The following PRR5L variants were observed in gnomAD, a reference collection of about 807,000 sequenced individuals.
PRR5L encodes the protein proline-rich protein 5-like.
In PRR5L, 21 loss-of-function variants were observed where a neutral mutation model predicts 36.4. That is an observed-to-expected ratio of 0.58 (90% CI 0.41 to 0.83). The LOEUF (loss-of-function observed/expected upper bound fraction) is 0.83. Among genes scored for constraint, PRR5L ranks in the 40% least tolerant of loss-of-function variants. The pLI, the probability that PRR5L is intolerant of heterozygous loss-of-function variation, is 0.00. For missense variants in PRR5L, 381 were observed against 473.3 expected (o/e 0.80, Z 1.81); for synonymous variants, 188 against 197.0 (o/e 0.95, Z 0.38).
At chr11:36,307,193 T>G (rs2133452113) in intron 1 of PRR5L, among the ~76,000 whole-genome samples, 1 of 152,270 alleles carries the variant, frequency 6.6e-6, no homozygotes, top group South Asian at 2.1e-4. Flanking sequence ...GTGAGATATT[T>G]CCCCCTTCCC....
intron 1 of PRR5L, among the ~76,000 whole-genome samples, chr11:36,298,351 T>C (rs1590418079): frequency 6.6e-6 from 1 of 152,210 alleles, no homozygotes; most frequent in East Asian, 1.9e-4. Context: ...TAATATATAA[T>C]GAAATAATTA....
chr11:36,412,554 A>C (rs982213699), intron 3 of PRR5L, among the ~76,000 whole-genome samples: 10 of 152,154 alleles, frequency 6.6e-5, no homozygotes, highest in Admixed American at 3.9e-4. Flanking sequence ...AGGTATTAGG[A>C]ATCGGGATTT....
chr11:36,312,373 G>A (rs532559783), intron 1 of PRR5L, among the ~76,000 whole-genome samples: 24 of 152,306 alleles, frequency 1.6e-4, no homozygotes, highest in African/African-American at 3.1e-4. Flanking sequence ...TTGTGTACTC[G>A]GAAGGTAAAG....
At chr11:36,315,158 C>A (rs1273588216) in intron 1 of PRR5L, among the ~76,000 whole-genome samples, 1 of 152,202 alleles carries the variant, frequency 6.6e-6, no homozygotes, top group Non-Finnish European at 1.5e-5. Context: ...TACTTAATCA[C>A]TACACATTAG....
intron 3 of PRR5L, among the ~76,000 whole-genome samples, chr11:36,416,874 T>C (rs1228813030): frequency 6.6e-6 from 1 of 152,076 alleles, no homozygotes; most frequent in African/African-American, 2.4e-5. Flanking sequence ...TCAGGATGCT[T>C]TTCTGCATCC....
chr11:36,319,944 G>A (rs997486657), intron 1 of PRR5L, among the ~76,000 whole-genome samples: 20 of 152,160 alleles, frequency 1.3e-4, no homozygotes, highest in African/African-American at 4.6e-4. Context: ...GCACGCAGGA[G>A]GAAAGAGGTT....
intron 3 of PRR5L, among the ~76,000 whole-genome samples, chr11:36,410,199 C>A (rs766605214): frequency 6.6e-6 from 1 of 152,104 alleles, no homozygotes; most frequent in Non-Finnish European, 1.5e-5. Context: ...ATGGGGTTGG[C>A]GCATGTGGTT....
intron 1 of PRR5L, among the ~76,000 whole-genome samples, chr11:36,397,067 CTTTTTT>C (rs11300346): frequency 7.7e-6 from 1 of 130,642 alleles, no homozygotes; most frequent in African/African-American, 2.8e-5. Context: ...GTTTTCTTTT[CTTTTTT>C]TTTTTTTTTT....
intron 8 of PRR5L, among the ~76,000 whole-genome samples, chr11:36,456,012 G>C (rs949838526): frequency 6.6e-6 from 1 of 152,080 alleles, no homozygotes; most frequent in Non-Finnish European, 1.5e-5. Context: ...GTCATCAGCA[G>C]GGGGAGAGAG....
chr11:36,324,986 G>C (rs7932198), intron 1 of PRR5L, among the ~76,000 whole-genome samples: 3,325 of 152,060 alleles, frequency 0.022, 123 homozygotes, highest in African/African-American at 0.076. Context: ...ATGTTACCAG[G>C]GGTCCTTGCT....
chr11:36,350,539 C>A (rs755831534), intron 1 of PRR5L, among the ~76,000 whole-genome samples: 67 of 151,696 alleles, frequency 4.4e-4, no homozygotes, highest in Non-Finnish European at 9.0e-4. Context: ...TTTATTTTTT[C>A]TTTTTTAAAA....
chr11:36,355,225 CAT>C (rs1857013556), intron 1 of PRR5L, among the ~76,000 whole-genome samples: 1 of 152,160 alleles, frequency 6.6e-6, no homozygotes, highest in African/African-American at 2.4e-5. Context: ...CAAAGAGAAA[CAT>C]AAACTTCAGA....
rs902627347 is a variant in PRR5L, at chr11:36,419,251, C to T, written c.246-4C>T. On this transcript the variant is annotated splice_polypyrimidine_tract_variant and splice_region_variant and intron_variant, in intron 3 of 8. Transcript: ENST00000530639. Reference sequence around the variant, plus strand: ...ACGGTGTTTCTCTTCTCCCTTCTCCCCAGGCGGCTGTTGAAGAGTGAACTT... The same window carrying T: ...ACGGTGTTTCTCTTCTCCCTTCTCCTCAGGCGGCTGTTGAAGAGTGAACTT... 1.9e-6 allele frequency: 3 copies of T among 1,613,800 alleles called. No individual in the cohort carries two copies. Among genetic ancestry groups the T allele is most frequent in the African/African-American group, 1.3e-5 (1 of 74,926 alleles).
intron 1 of PRR5L, among the ~76,000 whole-genome samples, chr11:36,346,506 C>T (rs373071246): frequency 6.6e-6 from 1 of 151,998 alleles, no homozygotes; most frequent in Non-Finnish European, 1.5e-5. Flanking sequence ...TGGCGTGAAC[C>T]CGGGAGGCGG....
chr11:36,302,966 A>G (rs1856392950), intron 1 of PRR5L, among the ~76,000 whole-genome samples: 1 of 152,206 alleles, frequency 6.6e-6, no homozygotes. Flanking sequence ...GCCAAGGCAC[A>G]GAAGAGTGAA....
At chr11:36,308,309 C>T (rs544170360) in intron 1 of PRR5L, among the ~76,000 whole-genome samples, 5 of 152,302 alleles carry the variant, frequency 3.3e-5, no homozygotes, top group East Asian at 1.9e-4. Context: ...GAATATAAGT[C>T]GTCCACATCT....
intron 4 of PRR5L, among the ~76,000 whole-genome samples, chr11:36,424,262 G>A (rs965264178): frequency 7.2e-5 from 11 of 152,154 alleles, no homozygotes; most frequent in African/African-American, 2.4e-4. Context: ...TATATCACCC[G>A]AAAATGAGCT....
At chr11:36,349,293 A>AG (rs1274033684) in intron 1 of PRR5L, among the ~76,000 whole-genome samples, 7 of 151,704 alleles carry the variant, frequency 4.6e-5, no homozygotes, top group Admixed American at 1.3e-4. Flanking sequence ...AAAAAAAAAA[A>AG]AAAGAAAAAT....
chr11:36,328,095 A>G (rs1022127636), intron 1 of PRR5L, among the ~76,000 whole-genome samples: 1 of 152,240 alleles, frequency 6.6e-6, no homozygotes, highest in Non-Finnish European at 1.5e-5. Flanking sequence ...CAGATTAGCA[A>G]TATTCATGTA....
Sources: allele counts gnomAD v4.1 joint callset (sites outside exome capture counted in the v4.1 genomes callset), GRCh38; gene constraint gnomAD v4.1.1; transcripts MANE v1.5; gene names NCBI Gene and HGNC (gene_info 2026-07-23, HGNC 2026-07-21).